MAP3K5: variants seen among roughly 807,000 people sequenced by gnomAD.
MAP3K5 encodes ASK-1.
MAP3K5 carries 56 observed loss-of-function variants against 158.7 expected under a neutral mutation model. The ratio of observed to expected loss-of-function variants is 0.35; its 90% CI spans 0.28 to 0.44. The LOEUF (loss-of-function observed/expected upper bound fraction) is 0.44. Ranked by LOEUF, MAP3K5 falls within the 20% of genes least tolerant of loss-of-function variation. The pLI, the probability that MAP3K5 is intolerant of heterozygous loss-of-function variation, is 1.00. For synonymous variants in MAP3K5, 579 were observed against 601.7 expected, an observed-to-expected ratio of 0.96 and a Z score of 0.55; for missense variants, 1,294 against 1,674.8, an observed-to-expected ratio of 0.77 and a Z score of 3.97.
At chr6:136,563,530 G>T (rs1562508077) in intron 26 of MAP3K5, among the ~76,000 whole-genome samples, 1 of 152,122 alleles carries the variant, frequency 6.6e-6, no homozygotes, top group African/African-American at 2.4e-5. Flanking sequence ...AGGGGGCGGG[G>T]GTGAAGTGGG....
At chr6:136,702,998 A>C (rs1014171203) in intron 3 of MAP3K5, among the ~76,000 whole-genome samples, 1 of 152,084 alleles carries the variant, frequency 6.6e-6, no homozygotes, top group Non-Finnish European at 1.5e-5. Flanking sequence ...CCTGGCTCCT[A>C]ATTAATTATT....
chr6:136,639,001 C>A (rs1474118552), intron 13 of MAP3K5, among the ~76,000 whole-genome samples: 1 of 152,116 alleles, frequency 6.6e-6, no homozygotes, highest in Non-Finnish European at 1.5e-5. Flanking sequence ...CACAAACATA[C>A]AATGCAGTCC....
At chr6:136,632,862 G>A (rs994142697) in intron 14 of MAP3K5, among the ~76,000 whole-genome samples, 5 of 152,024 alleles carry the variant, frequency 3.3e-5, no homozygotes, top group Non-Finnish European at 5.9e-5. Context: ...CAATATAAAA[G>A]TATTATAATA....
intron 22 of MAP3K5, 32 bp downstream of exon 22, chr6:136,592,405 C>A (rs764745727): frequency 2.2e-5 from 36 of 1,609,432 alleles, no homozygotes; most frequent in Non-Finnish European, 2.5e-5. Context: ...TAACAACACA[C>A]TTCTCTCACC....
intron 1 of MAP3K5, among the ~76,000 whole-genome samples, chr6:136,773,014 T>C (rs1784271530): frequency 6.6e-6 from 1 of 152,174 alleles, no homozygotes; most frequent in Non-Finnish European, 1.5e-5. Flanking sequence ...TTCAAATTTC[T>C]CTAAGTTAAG....
At chr6:136,642,774 T>G (rs1351006644) in intron 11 of MAP3K5, among the ~76,000 whole-genome samples, 2 of 152,212 alleles carry the variant, frequency 1.3e-5, no homozygotes, top group Admixed American at 6.5e-5. Flanking sequence ...ATTCCTGTAC[T>G]TCAATAAAAC....
At chr6:136,684,568 G>C (rs1780065454) in intron 7 of MAP3K5, among the ~76,000 whole-genome samples, 1 of 152,134 alleles carries the variant, frequency 6.6e-6, no homozygotes, top group Non-Finnish European at 1.5e-5. Flanking sequence ...CAGGGGTTAA[G>C]TTTGCCACTT....
rs144028264 is a variant in MAP3K5 at position 136,656,253 on chromosome 6, C to T, written c.1680+54G>A. ...CCCAAGCACTGATACAATCACAGTA[C>T]AAGATGTTCTTTAAATAAAGAAATG... On this transcript the variant is annotated intron_variant, in intron 10 of 29. Coordinates refer to ENST00000359015, the MANE Select transcript of MAP3K5 (RefSeq NM_005923.4). 1.1e-5 allele frequency: 17 copies of T among 1,531,000 alleles called. No individual in the cohort carries two copies. In the African/African-American group the frequency reaches 1.4e-4, roughly 12 times the overall value. 94.8% of individuals were successfully genotyped at this position (1,531,000 alleles called of 1,614,324 possible). A position where few individuals can be genotyped will look rare whatever the true frequency, so the allele number is the denominator to read the frequency against.
chr6:136,686,204 A>T (rs113870758), intron 7 of MAP3K5, among the ~76,000 whole-genome samples: 3 of 152,330 alleles, frequency 2.0e-5, no homozygotes, highest in African/African-American at 7.2e-5. Context: ...CATGTGCAAG[A>T]TCAACTCCTG....
intron 1 of MAP3K5, among the ~76,000 whole-genome samples, chr6:136,782,625 G>GT (rs1469275691): frequency 6.6e-6 from 1 of 152,158 alleles, no homozygotes; most frequent in Admixed American, 6.5e-5. Context: ...ATGAACTACT[G>GT]TAACAGAAAA....
chr6:136,559,955 C>T (rs1430634820), intron 28 of MAP3K5, among the ~76,000 whole-genome samples: 1 of 152,068 alleles, frequency 6.6e-6, no homozygotes, highest in East Asian at 1.9e-4. Context: ...TAAATTTATT[C>T]AGCTGTAACT....
chr6:136,687,123 A>T (rs1431697324), intron 7 of MAP3K5, among the ~76,000 whole-genome samples: 1 of 152,192 alleles, frequency 6.6e-6, no homozygotes, highest in Non-Finnish European at 1.5e-5. Flanking sequence ...ACCACCATAC[A>T]TCTCCGACCA....
chr6:136,558,675 T>C, intron 29 of MAP3K5, 125 bp downstream of exon 29: 3 of 598,964 alleles, frequency 5.0e-6, no homozygotes, highest in Admixed American at 3.0e-5. Flanking sequence ...TCAGAGCAGC[T>C]AAGAGCTAGA....
intron 1 of MAP3K5, among the ~76,000 whole-genome samples, chr6:136,726,159 T>C (rs1781955893): frequency 6.6e-6 from 1 of 152,248 alleles, no homozygotes; most frequent in Admixed American, 6.5e-5. Flanking sequence ...TTGTTCTCTT[T>C]GCTTTCCTAC....
At chr6:136,680,771 A>C (rs151194810) in intron 7 of MAP3K5, among the ~76,000 whole-genome samples, 1 of 152,362 alleles carries the variant, frequency 6.6e-6, no homozygotes, top group East Asian at 1.9e-4. Context: ...AATAGTTTTC[A>C]TATGTACACT....
chr6:136,622,710 C>G, intron 15 of MAP3K5, 138 bp downstream of exon 15: 1 of 914,260 alleles, frequency 1.1e-6, no homozygotes, highest in East Asian at 2.4e-5. Context: ...GATGCAGCAG[C>G]GAAACCTCAG....
chr6:136,759,482 A>AT (rs1420942856), intron 1 of MAP3K5, among the ~76,000 whole-genome samples: 25 of 142,004 alleles, frequency 1.8e-4, no homozygotes, highest in Middle Eastern at 3.6e-3. Flanking sequence ...ATATATATAT[A>AT]AAGTTTGAGA....
intron 7 of MAP3K5, among the ~76,000 whole-genome samples, chr6:136,683,460 G>C (rs983981755): frequency 1.3e-5 from 2 of 152,164 alleles, no homozygotes; most frequent in African/African-American, 4.8e-5. Context: ...CATGGCCATA[G>C]CAAGAAAAAG....
Position 136,614,288 on chromosome 6 carries a change from T to A in MAP3K5, c.2151-2A>T. 6.2e-7 allele frequency: 1 copy of A among 1,611,840 alleles called. No individual in the cohort carries two copies. The highest frequency in any genetic ancestry group is 8.5e-7 in the Non-Finnish European group (1 of 1,178,950). ...TCTTCATGCAGGGGCTGAGAGTATC[T>A]AAAAGACATGCAATTGTCAATGAGT... On this transcript the variant is annotated splice_acceptor_variant, in intron 15 of 29. Transcript: ENST00000359015. LOFTEE classifies it high-confidence loss of function.
Sources: allele counts gnomAD v4.1 joint callset (sites outside exome capture counted in the v4.1 genomes callset), GRCh38; gene constraint gnomAD v4.1.1; transcripts MANE v1.5; gene names NCBI Gene and HGNC (gene_info 2026-07-23, HGNC 2026-07-21).